RHEB: variants seen among roughly 807,000 people sequenced by gnomAD.
The protein encoded by RHEB is GTP-binding protein Rheb.
In RHEB, 2 loss-of-function variants were observed where a neutral mutation model predicts 28.8. The ratio of observed to expected loss-of-function variants is 0.07; its 90% confidence interval spans 0.03 to 0.22. RHEB has a LOEUF of 0.22. Ranked by LOEUF, RHEB falls within the 10% of genes least tolerant of loss-of-function variation. RHEB has a pLI of 1.00. For synonymous variants in RHEB, 69 were observed against 77.3 expected (o/e 0.89, Z 0.56); for missense variants, 76 against 219.9 (o/e 0.35, Z 4.14).
Position 151,472,642 on chromosome 7 carries a change from C to T in RHEB, c.276-1037G>A, listed in dbSNP as rs534788107. On this transcript the variant is annotated intron_variant, in intron 4 of 7. Coordinates refer to ENST00000262187, the MANE Select transcript of RHEB (RefSeq NM_005614.4). The surrounding 1 kb of genome is among the most constrained non-coding windows in gnomAD (Gnocchi z 5.2). ...ACTTTATTTTTCTTGGCAGCATGGT[C>T]ACAGACATCCTATCTCGCATGTGTG... Among the ~76,000 whole-genome samples, 145 of 152,300 alleles carry T rather than the reference C, an allele frequency of 9.5e-4. No individual in the cohort carries two copies. Among genetic ancestry groups the T allele is most frequent in the African/African-American group, 3.4e-3 (142 of 41,564 alleles).
chr7:151,485,128 T>C (rs915185165), intron 2 of RHEB, among the ~76,000 whole-genome samples: 15 of 152,230 alleles, frequency 9.9e-5, no homozygotes, highest in Middle Eastern at 3.2e-3. Flanking sequence ...AAGTGAAATA[T>C]ACTACGTAAA....
intron 1 of RHEB, among the ~76,000 whole-genome samples, chr7:151,510,616 T>TG (rs1802964007): frequency 6.6e-6 from 1 of 152,204 alleles, no homozygotes; most frequent in East Asian, 1.9e-4. Flanking sequence ...CTAGCTTTTG[T>TG]GACTGGTACA....
intron 1 of RHEB, among the ~76,000 whole-genome samples, chr7:151,497,677 A>G (rs1802697743): frequency 6.6e-6 from 1 of 152,162 alleles, no homozygotes; most frequent in African/African-American, 2.4e-5. Flanking sequence ...CATCAAACAC[A>G]GTGACTGGAG....
chr7:151,479,409 A>G (rs565879886), intron 3 of RHEB, among the ~76,000 whole-genome samples: 14 of 152,312 alleles, frequency 9.2e-5, no homozygotes, highest in Middle Eastern at 3.4e-3. Context: ...AAGGCCGGGC[A>G]CAATGGCTCA....
At chr7:151,504,532 T>A (rs1451456289) in intron 1 of RHEB, among the ~76,000 whole-genome samples, 2 of 152,088 alleles carry the variant, frequency 1.3e-5, no homozygotes, top group South Asian at 2.1e-4. Flanking sequence ...GAAAAAAAAA[T>A]TCCTGCCTAT....
At chr7:151,479,130 G>A (rs1218527418) in intron 3 of RHEB, among the ~76,000 whole-genome samples, 8 of 152,098 alleles carry the variant, frequency 5.3e-5, no homozygotes, top group Non-Finnish European at 1.0e-4. Context: ...CTCACAAACA[G>A]AACAGACTGA....
intron 3 of RHEB, among the ~76,000 whole-genome samples, chr7:151,483,684 C>T (rs776882914): frequency 6.6e-5 from 10 of 152,194 alleles, no homozygotes; most frequent in Non-Finnish European, 1.5e-4. Context: ...GCCTTCCAGC[C>T]TGGGTGACAG....
At chr7:151,475,029 C>T (rs77194926) in intron 4 of RHEB, among the ~76,000 whole-genome samples, 148 of 152,300 alleles carry the variant, frequency 9.7e-4, no homozygotes, top group African/African-American at 3.5e-3. Context: ...AAAACACACC[C>T]ATTTTAGTAA....
At chr7:151,470,683 A>G (rs774250962) in intron 6 of RHEB, 31 bp from the exon 7 acceptor site, 3 of 1,444,128 alleles carry the variant, frequency 2.1e-6, no homozygotes, top group Non-Finnish European at 2.9e-6. Flanking sequence ...TAGTTAAAGT[A>G]CTTTGCTCTT....
At chr7:151,512,375 C>G (rs1803006823) in intron 1 of RHEB, among the ~76,000 whole-genome samples, 1 of 152,174 alleles carries the variant, frequency 6.6e-6, no homozygotes, top group Non-Finnish European at 1.5e-5. Context: ...CCACCTTCAT[C>G]CTGATACTCG....
At chr7:151,470,531 T>C (rs1425351963) in intron 7 of RHEB, 40 bp downstream of exon 7, 1 of 1,374,440 alleles carries the variant, frequency 7.3e-7, no homozygotes, top group Non-Finnish European at 1.0e-6. Context: ...CTGCGACTGA[T>C]GAGAACGCAA....
At chr7:151,519,433 G>T (rs777524253) in intron 1 of RHEB, 27 bp downstream of exon 1, 1 of 1,397,718 alleles carries the variant, frequency 7.2e-7, no homozygotes, top group African/African-American at 1.5e-5. Flanking sequence ...GCGGCGCGAG[G>T]AGGCCGCGCG....
chr7:151,474,260 A>G (rs1159203399), intron 4 of RHEB, among the ~76,000 whole-genome samples: 4 of 151,854 alleles, frequency 2.6e-5, no homozygotes, highest in Non-Finnish European at 5.9e-5. Context: ...CTCATGATAC[A>G]GTCTCCGCCT....
rs1802757745 is a variant in RHEB, at chr7:151,500,659, C to T, written c.53-9645G>A. Among the ~76,000 whole-genome samples, 6 of 152,168 alleles carry T rather than the reference C, an allele frequency of 3.9e-5. No individual in the cohort carries two copies. In the South Asian group the frequency reaches 1.2e-3, roughly 32 times the overall value. ...AGGAGTTTGAGACAAGCCTGGGGAA[C>T]ACAGGAAGACCAGTCTCTACAAAAA... On this transcript the variant is annotated intron_variant, in intron 1 of 7. Coordinates refer to ENST00000262187, the MANE Select transcript of RHEB (RefSeq NM_005614.4).
At chr7:151,469,049 A>G (rs1802113900) in intron 7 of RHEB, among the ~76,000 whole-genome samples, 1 of 152,262 alleles carries the variant, frequency 6.6e-6, no homozygotes, top group African/African-American at 2.4e-5. Context: ...TTTAAAATAT[A>G]GGTATCTCTT....
At chr7:151,504,787 T>C (rs1489618644) in intron 1 of RHEB, among the ~76,000 whole-genome samples, 1 of 152,132 alleles carries the variant, frequency 6.6e-6, no homozygotes, top group East Asian at 1.9e-4. Flanking sequence ...CAGGGCGCTT[T>C]TTGGGTTGAT....
chr7:151,512,651 C>T (rs1035487182), intron 1 of RHEB, among the ~76,000 whole-genome samples: 2 of 152,186 alleles, frequency 1.3e-5, no homozygotes, highest in Non-Finnish European at 2.9e-5. Context: ...TACAGGGCCT[C>T]TCCTAGGAGG....
chr7:151,515,294 A>T (rs1209083854), intron 1 of RHEB, among the ~76,000 whole-genome samples: 1 of 152,238 alleles, frequency 6.6e-6, no homozygotes, highest in Non-Finnish European at 1.5e-5. Flanking sequence ...AGAGTAAGTA[A>T]ATTCATAGAA....
At chr7:151,484,707 TA>T in intron 3 of RHEB, 29 bp downstream of exon 3, 1 of 1,497,390 alleles carries the variant, frequency 6.7e-7, no homozygotes, top group Non-Finnish European at 9.3e-7. Flanking sequence ...ATATGCTGTA[TA>T]AGATTCTGAG....
Sources: gnomAD v4.1 joint callset for allele counts (sites outside exome capture counted in the v4.1 genomes callset) on GRCh38, gnomAD v4.1.1 for gene constraint, Gnocchi (gnomAD v3.1) non-coding constraint, MANE v1.5 for transcripts, NCBI Gene and HGNC (gene_info 2026-07-23, HGNC 2026-07-21) for gene names.